Variants in RPS6KA3 observed in about 807,000 individuals in gnomAD.
RPS6KA3 encodes ribosomal protein S6 kinase alpha-3.
A neutral mutation model predicts 67.2 loss-of-function variants in RPS6KA3; 4 were observed. The ratio of observed to expected loss-of-function variants is 0.06; its 90% confidence interval spans 0.03 to 0.14. RPS6KA3 has a LOEUF of 0.14. Among genes scored for constraint, RPS6KA3 ranks in the 10% least tolerant of loss-of-function variants. The pLI is 1.00. For missense variants in RPS6KA3, 204 were observed against 559.0 expected, an observed-to-expected ratio of 0.36 and a Z score of 6.40; for synonymous variants, 182 against 183.7, an observed-to-expected ratio of 0.99 and a Z score of 0.07.
At chrX:20,219,553 G>A (rs2068939052) in intron 2 of RPS6KA3, among the ~76,000 whole-genome samples, 1 of 111,086 alleles carries the variant, frequency 9.0e-6, no homozygotes, top group Non-Finnish European at 1.9e-5. Context: ...AAGACTTAAA[G>A]GCCCATAGTT....
chrX:20,167,345 C>T (rs2067466556), intron 17 of RPS6KA3, among the ~76,000 whole-genome samples: 1 of 111,503 alleles, frequency 9.0e-6, no homozygotes, highest in Non-Finnish European at 1.9e-5. Context: ...GCTATGTTTT[C>T]CAGGTCGGAA....
At position 20,156,171 on chromosome X, in the gene RPS6KA3, C is replaced by T. The variant is rs1285357297; in HGVS notation, c.2038G>A (p.Val680Ile). The T allele has an allele frequency of 1.7e-6, 2 of 1,208,200 alleles. No homozygotes were observed. Among genetic ancestry groups the T allele is most frequent in the Non-Finnish European group, 2.2e-6 (2 of 893,786 alleles). Residue 680 changes from valine to isoleucine, a missense_variant, in exon 21 of 22, where the codon GTC becomes ATC. Val to Ile is a conservative substitution (Grantham distance 29). This residue lies in a region of RPS6KA3 where 73 missense variants were observed against 241.1 expected (regional missense o/e 0.30). Transcript: ENST00000379565. The stretch of plus-strand genomic sequence containing the variant: ...TATTGTGGCAGTTGGTCCCAGTGGA[C>T]GATCCAAGGATGTCTGAGCACAAGA... Reference protein sequence around the residue: ...AALVLRHPWIVHWDQLPQYQL... With the variant: ...AALVLRHPWIIHWDQLPQYQL...
chrX:20,206,450 A>G (rs4078459), intron 3 of RPS6KA3, among the ~76,000 whole-genome samples: 38,742 of 110,654 alleles, frequency 0.35, 7,814 homozygotes, highest in African/African-American at 0.77. Flanking sequence ...CAGATATTAT[A>G]TGCTTGGCCT....
At chrX:20,200,615 T>C (rs2068402473) in intron 4 of RPS6KA3, among the ~76,000 whole-genome samples, 2 of 112,005 alleles carry the variant, frequency 1.8e-5, no homozygotes, top group African/African-American at 3.3e-5. Flanking sequence ...TGTAATTTTA[T>C]TTAAGATACT....
At position 20,167,572 on chromosome X, in the gene RPS6KA3, G is replaced by C; in HGVS notation, c.1602+17C>G. The stretch of plus-strand genomic sequence containing the variant: ...AAAAGTGTGTGTATGTACATATAGA[G>C]TGGTAAAAAGACTTACCCCTTGTGC... On this transcript the variant is annotated intron_variant, in intron 17 of 21. Transcript: ENST00000379565. The C allele has an allele frequency of 8.4e-6, 10 of 1,195,613 alleles. No homozygotes were observed. The highest frequency in any genetic ancestry group is 1.1e-5 in the Non-Finnish European group (10 of 880,783).
chrX:20,194,344 A>G, intron 5 of RPS6KA3, 76 bp from the exon 6 acceptor site: 1 of 574,187 alleles, frequency 1.7e-6, no homozygotes. Flanking sequence ...TCATAAATGA[A>G]TATTTTAACA....
At chrX:20,162,053 G>A (rs1255670628) in intron 19 of RPS6KA3, among the ~76,000 whole-genome samples, 3 of 109,739 alleles carry the variant, frequency 2.7e-5, no homozygotes, top group African/African-American at 9.9e-5. Flanking sequence ...AAGAAATAGT[G>A]TAGGCCAGGC....
chrX:20,232,597 A>G (rs763052561), intron 2 of RPS6KA3, among the ~76,000 whole-genome samples: 2 of 111,269 alleles, frequency 1.8e-5, no homozygotes, highest in African/African-American at 6.6e-5. Flanking sequence ...AAACAAACAA[A>G]AAACAAACAA....
chrX:20,168,351 T>C (rs1012304183), intron 16 of RPS6KA3, among the ~76,000 whole-genome samples: 19 of 111,011 alleles, frequency 1.7e-4, no homozygotes, highest in African/African-American at 3.6e-4. Flanking sequence ...GTAAAGAAAA[T>C]AGATGGTGTT....
At chrX:20,232,486 C>T (rs189140278) in intron 2 of RPS6KA3, among the ~76,000 whole-genome samples, 152 of 110,663 alleles carry the variant, frequency 1.4e-3, no homozygotes, top group African/African-American at 4.8e-3. Flanking sequence ...GCAGGAGAAT[C>T]GCTTGAACCC....
intron 3 of RPS6KA3, among the ~76,000 whole-genome samples, chrX:20,206,138 T>G (rs2068568609): frequency 8.9e-6 from 1 of 111,833 alleles, no homozygotes. Flanking sequence ...CGGTCCCAGC[T>G]GCCATCTCTT....
chrX:20,169,667 T>C (rs1273512034), intron 15 of RPS6KA3, 176 bp from the exon 16 acceptor site: 7 of 509,007 alleles, frequency 1.4e-5, no homozygotes, highest in Non-Finnish European at 2.5e-5. Flanking sequence ...CCAGTCTTGA[T>C]ATAGATGGCA....
chrX:20,209,312 T>A lies in RPS6KA3; in HGVS notation c.219A>T (p.Val73=), dbSNP rs1295843351. ...CCTTTCCAAATGATCCCTGCCCTAA[T>A]ACTTTTAAAAGTTCAAACTGGGAAG... ...ADPSQFELLK[V]LGQGSFGKVF... Residue 73 remains valine (V), a synonymous_variant, in exon 3 of 22, where the codon GTA becomes GTT. Transcript: ENST00000379565. 1 of 1,175,313 alleles carries A rather than the reference T, an allele frequency of 8.5e-7. No homozygotes were observed. The highest frequency in any genetic ancestry group is 1.8e-5 in the African/African-American group (1 of 56,455).
chrX:20,253,032 C>T (rs1427974099), intron 1 of RPS6KA3, among the ~76,000 whole-genome samples: 1 of 110,878 alleles, frequency 9.0e-6, no homozygotes, highest in East Asian at 2.8e-4. Context: ...CTGCTAGACA[C>T]CACCCTGGCA....
chrX:20,262,950 A>G (rs947068735), intron 1 of RPS6KA3, among the ~76,000 whole-genome samples: 2 of 111,238 alleles, frequency 1.8e-5, no homozygotes, highest in African/African-American at 6.5e-5. Context: ...TTCACTAAAC[A>G]TGATCTCCCA....
chrX:20,210,256 T>TA (rs1186386506), intron 2 of RPS6KA3, among the ~76,000 whole-genome samples: 1 of 112,101 alleles, frequency 8.9e-6, no homozygotes, highest in Non-Finnish European at 1.9e-5. Context: ...TCAAGACACA[T>TA]ACGGTATGTT....
rs1452427846 is a variant in RPS6KA3, at chrX:20,152,688, T to C, written c.*2710A>G. 1 of 112,392 alleles carries C rather than the reference T, an allele frequency of 8.9e-6. No individual in the cohort carries two copies. The highest frequency in any genetic ancestry group is 1.9e-5 in the Non-Finnish European group (1 of 53,306). 9.3% of individuals were successfully genotyped at this position (112,392 alleles called of 1,213,427 possible). The stretch of plus-strand genomic sequence containing the variant: ...TCGTTGGCCAAGTTTTTCCACTGTA[T>C]GTCAAAAGCAATGGAAGAGAATAAG... On this transcript the variant is annotated 3_prime_UTR_variant, in exon 22 of 22. Coordinates refer to ENST00000379565, the MANE Select transcript of RPS6KA3 (RefSeq NM_004586.3).
At chrX:20,251,621 A>T (rs767069388) in intron 1 of RPS6KA3, among the ~76,000 whole-genome samples, 1 of 113,246 alleles carries the variant, frequency 8.8e-6, no homozygotes, top group East Asian at 2.8e-4. Context: ...TTGATATTTT[A>T]CTTTTTCAAT....
Position 20,219,059 on chromosome X carries a change from T to G in RPS6KA3, c.127-9655A>C. On this transcript the variant is annotated intron_variant, in intron 2 of 21. Transcript: ENST00000379565. ...CGGCAGGGGCACTAATGTAGCTGGATAGGTAGGGAGGCCAGAATAGGAAAC... is the reference window on the plus strand; with the variant it reads ...CGGCAGGGGCACTAATGTAGCTGGAGAGGTAGGGAGGCCAGAATAGGAAAC... 3 of 352,393 alleles carry G rather than the reference T, an allele frequency of 8.5e-6. 1 individual carries two copies. Among genetic ancestry groups the G allele is most frequent in the Non-Finnish European group, 1.5e-5 (3 of 198,053 alleles). The allele number at this position is 352,393 out of a possible 1,213,427, so 29.0% of individuals were successfully genotyped here.
Sources: allele counts gnomAD v4.1 joint callset (sites outside exome capture counted in the v4.1 genomes callset), GRCh38; gene constraint gnomAD v4.1.1; regional missense constraint gnomAD v4.1.1; transcripts MANE v1.5; gene names NCBI Gene and HGNC (gene_info 2026-07-23, HGNC 2026-07-21).